The following FAM114A2 variants were observed in gnomAD, a reference collection of about 807,000 sequenced individuals.
FAM114A2 encodes the protein protein FAM114A2.
In FAM114A2, 53 loss-of-function variants were observed where a neutral mutation model predicts 58.4. The ratio of observed to expected loss-of-function variants is 0.91; its 90% CI spans 0.73 to 1.14. The LOEUF (loss-of-function observed/expected upper bound fraction) is 1.14. FAM114A2 is among the 50% of genes most tolerant of loss of function. FAM114A2 has a pLI of 0.00. For synonymous variants in FAM114A2, 228 were observed against 211.4 expected, an observed-to-expected ratio of 1.08 and a Z score of -0.68; for missense variants, 601 against 581.1, an observed-to-expected ratio of 1.03 and a Z score of -0.35.
chr5:154,001,495 T>C (rs1268098896), intron 11 of FAM114A2, among the ~76,000 whole-genome samples: 2 of 152,134 alleles, frequency 1.3e-5, no homozygotes, highest in Non-Finnish European at 2.9e-5. Context: ...TAGCCCCCTA[T>C]TATGGGGTGC....
At position 153,993,117 on chromosome 5, in the gene FAM114A2, G is replaced by A; in HGVS notation, c.1384-7C>T. Reference sequence around the variant, plus strand: ...AGGAGGCACTGTTTGATGCCTGCCAGGATTGAAAAAACAAGAAAAAGAAAA... The same window carrying A: ...AGGAGGCACTGTTTGATGCCTGCCAAGATTGAAAAAACAAGAAAAAGAAAA... On this transcript the variant is annotated splice_region_variant and splice_polypyrimidine_tract_variant and intron_variant, in intron 13 of 13. Transcript: ENST00000351797. The A allele has an allele frequency of 6.3e-7, 1 of 1,595,290 alleles. No homozygotes were observed. The highest frequency in any genetic ancestry group is 1.4e-5 in the African/African-American group (1 of 74,024).
At chr5:154,028,391 T>G in intron 5 of FAM114A2, 108 bp from the exon 6 acceptor site, 1 of 710,030 alleles carries the variant, frequency 1.4e-6, no homozygotes, top group Non-Finnish European at 2.2e-6. Context: ...TACCAAGCAC[T>G]GGCAAGAATG....
chr5:154,030,927 G>A (rs1173615799), intron 4 of FAM114A2, among the ~76,000 whole-genome samples: 1 of 152,092 alleles, frequency 6.6e-6, no homozygotes, highest in East Asian at 1.9e-4. Context: ...GAATTAAGGT[G>A]GAGACTTCGG....
At chr5:154,038,459 T>C (rs1477035030) in intron 1 of FAM114A2, 1 of 152,206 alleles carries the variant, frequency 6.6e-6, no homozygotes, top group African/African-American at 2.4e-5. Flanking sequence ...TGACGCGATA[T>C]GTGAGGGGCT....
At chr5:154,015,704 A>C (rs1392743583) in intron 8 of FAM114A2, among the ~76,000 whole-genome samples, 1 of 152,150 alleles carries the variant, frequency 6.6e-6, no homozygotes, top group Non-Finnish European at 1.5e-5. Flanking sequence ...GTAATATGAC[A>C]AAACAAGGTT....
chr5:154,023,138 G>C (rs970808796), intron 8 of FAM114A2, among the ~76,000 whole-genome samples: 1 of 152,082 alleles, frequency 6.6e-6, no homozygotes, highest in African/African-American at 2.4e-5. Context: ...GCCTGTCGTG[G>C]GGTCAGGGGA....
rs1484214659 is a variant in FAM114A2, at chr5:153,992,888, AC to A, written c.*87del. The A allele has an allele frequency of 9.2e-6, 11 of 1,189,644 alleles. No homozygotes were observed. The African/African-American group carries it at 1.5e-4, about 17-fold the overall frequency. The allele number at this position is 1,189,644 out of a possible 1,614,324, so 73.7% of individuals were successfully genotyped here. A position where few individuals can be genotyped will look rare whatever the true frequency, so the allele number is the denominator to read the frequency against. On this transcript the variant is annotated 3_prime_UTR_variant, in exon 14 of 14. Transcript: ENST00000351797. ...GCCTGAATTTTTATATACTAAAATA[AC>A]CCCACTCCTTCATTTCTGCAGGAGT...
At position 154,033,782 on chromosome 5, in the gene FAM114A2, T is replaced by A. The variant is rs755102582; in HGVS notation, c.403+9A>T. 6.7e-7 allele frequency: 1 copy of A among 1,482,794 alleles called. No homozygotes were observed. The highest frequency in any genetic ancestry group is 1.2e-5 in the South Asian group (1 of 86,604). The allele number at this position is 1,482,794 out of a possible 1,614,324, so 91.9% of individuals were successfully genotyped here. On this transcript the variant is annotated intron_variant, in intron 4 of 13. Transcript: ENST00000351797. ...ATAATTCTAGGTCTTTATGTTTCCA[T>A]ATACTGACCTGCTACATACTTGACT...
chr5:154,027,454 T>C (rs1771868746), intron 6 of FAM114A2, 120 bp from the exon 7 acceptor site: 2 of 697,378 alleles, frequency 2.9e-6, no homozygotes, highest in South Asian at 2.9e-5. Context: ...CTTTCATTCT[T>C]GGCACTGCTA....
intron 8 of FAM114A2, among the ~76,000 whole-genome samples, chr5:154,017,343 G>A (rs1771105946): frequency 6.6e-6 from 1 of 152,250 alleles, no homozygotes; most frequent in Non-Finnish European, 1.5e-5. Context: ...TCAGGAGGCT[G>A]AGGCAGAAGA....
chr5:154,011,410 A>G lies in FAM114A2; in HGVS notation c.914-90T>C. ...GAGGAGGAAGAGGAGAGGAGTGGTA[A>G]TAGCAGTGACAGTAGTAGTAATAAC... On this transcript the variant is annotated intron_variant, in intron 8 of 13. Coordinates refer to ENST00000351797, the MANE Select transcript of FAM114A2 (RefSeq NM_018691.4). 3 of 792,302 alleles carry G rather than the reference A, an allele frequency of 3.8e-6. 1 individual carries two copies. The highest frequency in any genetic ancestry group is 2.0e-5 in the Admixed American group (1 of 49,308). The allele number at this position is 792,302 out of a possible 1,614,324, so 49.1% of individuals were successfully genotyped here. A position where few individuals can be genotyped will look rare whatever the true frequency, so the allele number is the denominator to read the frequency against.
chr5:154,023,199 T>C, intron 8 of FAM114A2, among the ~76,000 whole-genome samples: 2 of 152,294 alleles, frequency 1.3e-5, no homozygotes, highest in Middle Eastern at 6.8e-3. Flanking sequence ...GATGAGTTGA[T>C]GGGTGCAGCA....
chr5:154,034,257 C>A, intron 3 of FAM114A2, 21 bp downstream of exon 3: 1 of 1,419,376 alleles, frequency 7.0e-7, no homozygotes, highest in Non-Finnish European at 9.7e-7. Flanking sequence ...ACAAAAATAA[C>A]TAAATGACTG....
At chr5:154,031,960 G>A (rs1158030112) in intron 4 of FAM114A2, among the ~76,000 whole-genome samples, 1 of 152,204 alleles carries the variant, frequency 6.6e-6, no homozygotes, top group African/African-American at 2.4e-5. Context: ...CAGAAGGCCA[G>A]ATGTTTCCAC....
Position 154,029,506 on chromosome 5 carries a change from T to C in FAM114A2, c.478A>G (p.Thr160Ala). 2 of 1,604,518 alleles carry C rather than the reference T, an allele frequency of 1.2e-6. No individual in the cohort carries two copies. Among genetic ancestry groups the C allele is most frequent in the South Asian group, 1.1e-5 (1 of 90,866 alleles). Residue 160 changes from threonine to alanine, a missense_variant, in exon 5 of 14, where the codon ACT becomes GCT. Coordinates refer to ENST00000351797, the MANE Select transcript of FAM114A2 (RefSeq NM_018691.4). Reference sequence around the variant, plus strand: ...TTACTTACTGTGCTCTGAACAGCAGTAGAGATGGTAGAGAATACACCAAAT... The same window carrying C: ...TTACTTACTGTGCTCTGAACAGCAGCAGAGATGGTAGAGAATACACCAAAT... Reference protein sequence around the residue: ...GAFGVFSTISTAVQSTGKSVI... With the variant: ...GAFGVFSTISAAVQSTGKSVI...
Position 153,993,114 on chromosome 5 carries a change from C to T in FAM114A2, c.1384-4G>A. On this transcript the variant is annotated splice_region_variant and splice_polypyrimidine_tract_variant and intron_variant, in intron 13 of 13. Coordinates refer to ENST00000351797, the MANE Select transcript of FAM114A2 (RefSeq NM_018691.4). The stretch of plus-strand genomic sequence containing the variant: ...TGTAGGAGGCACTGTTTGATGCCTG[C>T]CAGGATTGAAAAAACAAGAAAAAGA... 1 of 1,596,544 alleles carries T rather than the reference C, an allele frequency of 6.3e-7. No homozygotes were observed. Among genetic ancestry groups the T allele is most frequent in the South Asian group, 1.1e-5 (1 of 87,532 alleles).
In FAM114A2 at chr5:153,992,890, C is replaced by A; in HGVS notation, c.*86G>T. 1.6e-6 allele frequency: 2 copies of A among 1,216,944 alleles called. No homozygotes were observed. Among genetic ancestry groups the A allele is most frequent in the Non-Finnish European group, 2.3e-6 (2 of 869,008 alleles). The allele number at this position is 1,216,944 out of a possible 1,614,324, so 75.4% of individuals were successfully genotyped here. A position where few individuals can be genotyped will look rare whatever the true frequency, so the allele number is the denominator to read the frequency against. ...CTGAATTTTTATATACTAAAATAAC[C>A]CCACTCCTTCATTTCTGCAGGAGTA... is the stretch of plus-strand genomic sequence containing the variant. On this transcript the variant is annotated 3_prime_UTR_variant, in exon 14 of 14. Coordinates refer to ENST00000351797, the MANE Select transcript of FAM114A2 (RefSeq NM_018691.4).
chr5:153,995,136 A>C, intron 12 of FAM114A2, 164 bp from the exon 13 acceptor site: 2 of 573,132 alleles, frequency 3.5e-6, no homozygotes, highest in Non-Finnish European at 6.3e-6. Flanking sequence ...TGGAAATTCT[A>C]AGTGTTTTAA....
chr5:154,021,448 G>A (rs559511048), intron 8 of FAM114A2, among the ~76,000 whole-genome samples: 112 of 152,328 alleles, frequency 7.4e-4, no homozygotes, highest in African/African-American at 2.6e-3. Flanking sequence ...CCTCAGCAAA[G>A]TCTCAGGACA....
Sources: gnomAD v4.1 joint callset for allele counts (sites outside exome capture counted in the v4.1 genomes callset) on GRCh38, gnomAD v4.1.1 for gene constraint, MANE v1.5 for transcripts, NCBI Gene and HGNC (gene_info 2026-07-23, HGNC 2026-07-21) for gene names.